LHX8: variants seen among roughly 807,000 people sequenced by gnomAD.
LHX8 encodes LIM/homeobox protein Lhx8.
Under a neutral mutation model 40.3 loss-of-function variants are expected in LHX8, and 12 were observed. The ratio of observed to expected loss-of-function variants is 0.30; its 90% CI spans 0.19 to 0.48. The LOEUF (loss-of-function observed/expected upper bound fraction) is 0.48. Among genes scored for constraint, LHX8 ranks in the 20% least tolerant of loss-of-function variants. The pLI is 0.99. For synonymous variants in LHX8, 179 were observed against 162.0 expected (o/e 1.10, Z -0.80); for missense variants, 344 against 433.7 (o/e 0.79, Z 1.84).
chr1:75,155,175 A>G (rs1648721472), intron 7 of LHX8, among the ~76,000 whole-genome samples: 1 of 149,796 alleles, frequency 6.7e-6, no homozygotes, highest in Non-Finnish European at 1.5e-5. Context: ...TCATGACAGA[A>G]TTGTTTGGAG....
chr1:75,136,658 G>A lies in LHX8; in HGVS notation c.44G>A (p.Arg15Lys), dbSNP rs910576688. ...CGRTTALAAGRTRKGAGEEGL... is the reference protein window; with the variant it reads ...CGRTTALAAGKTRKGAGEEGL... ...CGGACTACAGCCCTGGCGGCCGGGA[G>A]GACTCGCAAAGGCGCCGGGGAAGAG... The change falls in exon 2 of 9, where the codon AGG (arginine) becomes AAG (lysine). Residue 15 changes from arginine to lysine, a missense_variant. Arg to Lys is a conservative substitution (Grantham distance 26). Coordinates refer to ENST00000356261, the MANE Select transcript of LHX8 (RefSeq NM_001256114.2). 4 of 1,548,632 alleles carry A rather than the reference G, an allele frequency of 2.6e-6. No individual in the cohort carries two copies. Among genetic ancestry groups the A allele is most frequent in the Non-Finnish European group, 2.6e-6 (3 of 1,146,752 alleles).
At chr1:75,153,728 G>A (rs747950236) in intron 7 of LHX8, among the ~76,000 whole-genome samples, 9 of 152,134 alleles carry the variant, frequency 5.9e-5, no homozygotes, top group South Asian at 2.1e-4. Context: ...CCTTTCTTAT[G>A]CTTCCCTATC....
At chr1:75,192,640 AT>A in the LHX8 span, among the ~76,000 whole-genome samples, 2 of 151,560 alleles carry the variant, frequency 1.3e-5, no homozygotes, top group African/African-American at 4.8e-5. Context: ...ATTTTAAGTA[AT>A]TTTTTTTATT....
At position 75,143,099 on chromosome 1, in the gene LHX8, A is replaced by G; in HGVS notation, c.360-19A>G. Reference sequence around the variant, plus strand: ...CCAGGCATTAAAATATTTACCTTCCACACCTCTATTTAATGTAGAAGGTAT... The same window carrying G: ...CCAGGCATTAAAATATTTACCTTCCGCACCTCTATTTAATGTAGAAGGTAT... On this transcript the variant is annotated intron_variant, in intron 4 of 8. Coordinates refer to ENST00000356261, the MANE Select transcript of LHX8 (RefSeq NM_001256114.2). 6.3e-7 allele frequency: 1 copy of G among 1,599,798 alleles called. No homozygotes were observed.
the LHX8 span, among the ~76,000 whole-genome samples, chr1:75,168,331 T>G: frequency 6.6e-6 from 1 of 152,142 alleles, no homozygotes. Context: ...CAAACTACTC[T>G]CCTGCCTCAG....
At chr1:75,160,606 G>A (rs1648891378) in intron 8 of LHX8, 13 of 570,580 alleles carry the variant, frequency 2.3e-5, no homozygotes, top group Non-Finnish European at 3.1e-6. Flanking sequence ...AAATCTTGTG[G>A]CCCCAAATAA....
At chr1:75,154,185 G>A (rs971502887) in intron 7 of LHX8, among the ~76,000 whole-genome samples, 4 of 152,164 alleles carry the variant, frequency 2.6e-5, no homozygotes, top group African/African-American at 9.6e-5. Flanking sequence ...TCTGAAGCTG[G>A]GTAGCATTCA....
chr1:75,194,700 A>T, the LHX8 span, among the ~76,000 whole-genome samples: 1 of 152,210 alleles, frequency 6.6e-6, no homozygotes, highest in Non-Finnish European at 1.5e-5. Context: ...AGAAATAAGC[A>T]TCTTGGACAC....
the LHX8 span, among the ~76,000 whole-genome samples, chr1:75,197,961 G>A: frequency 6.6e-6 from 1 of 152,120 alleles, no homozygotes; most frequent in Non-Finnish European, 1.5e-5. Flanking sequence ...TCAGTTTCCA[G>A]AATTAGAGAA....
intron 3 of LHX8, among the ~76,000 whole-genome samples, chr1:75,137,628 T>C (rs1186282475): frequency 1.3e-5 from 2 of 152,186 alleles, no homozygotes; most frequent in African/African-American, 4.8e-5. Context: ...GAATTATTCC[T>C]TTCTTAAACA....
At chr1:75,168,107 T>C in the LHX8 span, among the ~76,000 whole-genome samples, 1 of 152,222 alleles carries the variant, frequency 6.6e-6, no homozygotes, top group Admixed American at 6.5e-5. Context: ...TAGGTTAAAA[T>C]GTAAAGTTTT....
chr1:75,198,764 C>T, the LHX8 span, among the ~76,000 whole-genome samples: 1 of 152,162 alleles, frequency 6.6e-6, no homozygotes, highest in Non-Finnish European at 1.5e-5. Context: ...TCTTCCACCT[C>T]CATTTCCTCC....
At chr1:75,169,781 C>G in the LHX8 span, among the ~76,000 whole-genome samples, 1 of 152,188 alleles carries the variant, frequency 6.6e-6, no homozygotes, top group African/African-American at 2.4e-5. Flanking sequence ...TCCCCAGAAG[C>G]CTGATTGATC....
At chr1:75,183,255 C>A in the LHX8 span, 3 of 152,106 alleles carry the variant, frequency 2.0e-5, no homozygotes, top group African/African-American at 2.4e-5. Context: ...AGTCAACAGT[C>A]AAATTCTGGA....
Position 75,137,153 on chromosome 1 carries a change from G to T in LHX8, c.129G>T (p.Leu43=). ...ACTCGTGCTCCTCCTCGGCCCCGCT[G>T]TCCCCGTCGTCCTCGCCCCGGTCCA... ...DEDSCSSSAP[L]SPSSSPRSMA... The change falls in exon 3 of 9, where the codon CTG becomes CTT. Residue 43 remains leucine (L), a synonymous_variant. Transcript: ENST00000356261. 6.2e-7 allele frequency: 1 copy of T among 1,612,892 alleles called. No homozygotes were observed. The highest frequency in any genetic ancestry group is 1.3e-5 in the African/African-American group (1 of 75,028).
rs914152814 is a variant in LHX8 at position 75,134,481 on chromosome 1, C to T, written c.-486C>T. Among the ~76,000 whole-genome samples, 5 of 149,996 alleles carry T rather than the reference C, an allele frequency of 3.3e-5. No homozygotes were observed. Among genetic ancestry groups the T allele is most frequent in the African/African-American group, 1.2e-4 (5 of 40,542 alleles). On this transcript the variant is annotated 5_prime_UTR_variant, in exon 1 of 9. The change creates a new upstream start codon in the 5' untranslated region. Coordinates refer to ENST00000356261, the MANE Select transcript of LHX8 (RefSeq NM_001256114.2). ...GTCAGGCCACAGCGGCCTCTTTGGA[C>T]GAAGACACACTTGTAGCATTATCCT...
chr1:75,181,632 T>TCCCCAAA, the LHX8 span, among the ~76,000 whole-genome samples: 1 of 152,148 alleles, frequency 6.6e-6, no homozygotes, highest in East Asian at 1.9e-4. Context: ...GAAAGGGAAA[T>TCCCCAAA]CCCCAAACCC....
At chr1:75,167,984 A>C in the LHX8 span, among the ~76,000 whole-genome samples, 2 of 152,224 alleles carry the variant, frequency 1.3e-5, no homozygotes, top group African/African-American at 4.8e-5. Flanking sequence ...CTGACTCCCC[A>C]GCCTGCAGTT....
chr1:75,189,563 CAAA>C, the LHX8 span, among the ~76,000 whole-genome samples: 7 of 151,600 alleles, frequency 4.6e-5, no homozygotes, highest in Non-Finnish European at 8.8e-5. Context: ...GCTAATGAAA[CAAA>C]AAAAGTCATG....
Sources: allele counts gnomAD v4.1 joint callset (sites outside exome capture counted in the v4.1 genomes callset), GRCh38; gene constraint gnomAD v4.1.1; transcripts MANE v1.5; gene names NCBI Gene and HGNC (gene_info 2026-07-23, HGNC 2026-07-21).